ENTPD5: variants seen among roughly 807,000 people sequenced by gnomAD.
ENTPD5 encodes nucleoside diphosphate phosphatase ENTPD5.
Under a neutral mutation model 60.2 loss-of-function variants are expected in ENTPD5, and 49 were observed. That is an observed-to-expected ratio of 0.81 (90% CI 0.65 to 1.03). The LOEUF (loss-of-function observed/expected upper bound fraction) is 1.03, where lower values mean the gene tolerates loss of function less well. Ranked by LOEUF, ENTPD5 falls within the 50% of genes least tolerant of loss-of-function variation. ENTPD5 has a pLI of 0.00. For synonymous variants in ENTPD5, 187 were observed against 185.4 expected (o/e 1.01, Z -0.07); for missense variants, 480 against 507.6 (o/e 0.95, Z 0.52).
intron 2 of ENTPD5, among the ~76,000 whole-genome samples, chr14:74,012,105 ATTTATT>A (rs1428328546): frequency 4.6e-5 from 7 of 152,094 alleles, no homozygotes; most frequent in South Asian, 2.1e-4. Flanking sequence ...CATGTATTTT[ATTTATT>A]TTTATTTTTT....
intron 10 of ENTPD5, 32 bp downstream of exon 10, chr14:73,975,904 G>T (rs1160051483): frequency 1.3e-6 from 2 of 1,495,938 alleles, no homozygotes; most frequent in Non-Finnish European, 1.8e-6. Context: ...CATACAACAT[G>T]AAATATTCTT....
At chr14:74,005,292 A>G (rs2058639903) in intron 3 of ENTPD5, among the ~76,000 whole-genome samples, 1 of 146,672 alleles carries the variant, frequency 6.8e-6, no homozygotes, top group African/African-American at 2.5e-5. Context: ...GAAAAAAAGA[A>G]AAAAAGAAAA....
chr14:74,004,571 A>T (rs1249477484), intron 3 of ENTPD5, among the ~76,000 whole-genome samples: 1 of 152,140 alleles, frequency 6.6e-6, no homozygotes, highest in Non-Finnish European at 1.5e-5. Flanking sequence ...GGCTGCAGTC[A>T]ATCTGAAGGC....
intron 5 of ENTPD5, 137 bp from the exon 6 acceptor site, chr14:73,983,298 G>C: frequency 1.2e-6 from 1 of 849,066 alleles, no homozygotes; most frequent in Non-Finnish European, 1.7e-6. Context: ...TCTGTAGCAG[G>C]AGAAACCTAG....
Position 73,988,977 on chromosome 14 carries a change from C to T in ENTPD5, c.-70-805G>A, listed in dbSNP as rs528662161. On this transcript the variant is annotated intron_variant, in intron 3 of 15. Coordinates refer to ENST00000334696, the MANE Select transcript of ENTPD5 (RefSeq NM_001249.5). ...TAGCTGGGATTACAGGGACCCACCA[C>T]CATGCCCAGCTAATTTTTGTATTTT... Among the ~76,000 whole-genome samples, 356 of 152,230 alleles carry T rather than the reference C, an allele frequency of 2.3e-3. 2 individuals are homozygous for T. The highest frequency in any genetic ancestry group is 0.01 in the Middle Eastern group (3 of 294).
intron 3 of ENTPD5, chr14:73,996,042 T>C (rs1336167600): frequency 1.6e-6 from 1 of 627,964 alleles, no homozygotes; most frequent in Non-Finnish European, 2.0e-6. Flanking sequence ...GCTTCCCTTC[T>C]TCCATGTCCC....
chr14:74,005,824 A>G (rs1009186210), intron 3 of ENTPD5, among the ~76,000 whole-genome samples: 13 of 152,270 alleles, frequency 8.5e-5, no homozygotes, highest in South Asian at 4.1e-4. Flanking sequence ...TAAATAAAAA[A>G]CAAAACAAAT....
intron 3 of ENTPD5, among the ~76,000 whole-genome samples, chr14:74,001,187 A>C (rs1021398218): frequency 2.6e-5 from 4 of 151,956 alleles, no homozygotes; most frequent in Admixed American, 1.3e-4. Flanking sequence ...GTGAAATGCT[A>C]TCTCTACAAA....
At chr14:74,005,722 G>T (rs1292696519) in intron 3 of ENTPD5, among the ~76,000 whole-genome samples, 1 of 151,978 alleles carries the variant, frequency 6.6e-6, no homozygotes, top group Non-Finnish European at 1.5e-5. Flanking sequence ...TAGGAGGATC[G>T]CTAGAACCCA....
At chr14:73,975,317 C>A (rs929019187) in intron 10 of ENTPD5, among the ~76,000 whole-genome samples, 8 of 152,034 alleles carry the variant, frequency 5.3e-5, no homozygotes, top group Non-Finnish European at 2.9e-5. Flanking sequence ...GGATTCTGAA[C>A]CTCTGAAGGC....
chr14:73,958,357 T>G, downstream of ENTPD5: 1 of 1,603,616 alleles, frequency 6.2e-7, no homozygotes, highest in South Asian at 1.1e-5. Context: ...GGTTTTCGAT[T>G]TAAGCTATAG....
intron 13 of ENTPD5, among the ~76,000 whole-genome samples, chr14:73,972,399 C>A (rs983977323): frequency 7.9e-5 from 12 of 151,714 alleles, no homozygotes; most frequent in African/African-American, 2.7e-4. Context: ...AAACAAAAAA[C>A]CAAAACAACA....
intron 3 of ENTPD5, among the ~76,000 whole-genome samples, chr14:74,000,050 TG>T (rs2058459561): frequency 7.0e-6 from 1 of 142,752 alleles, no homozygotes; most frequent in East Asian, 2.0e-4. Flanking sequence ...GTCGCGTCAC[TG>T]CACTCCAGCC....
At chr14:73,971,395 G>A (rs575697390) in intron 14 of ENTPD5, among the ~76,000 whole-genome samples, 14 of 152,318 alleles carry the variant, frequency 9.2e-5, no homozygotes, top group African/African-American at 3.4e-4. Context: ...GACCTCAGGT[G>A]ATCCGCCCAC....
At position 73,976,001 on chromosome 14, in the gene ENTPD5, T is replaced by C. The variant is rs1055556661; in HGVS notation, c.657A>G (p.Gln219=). ...FLPQFEKTLE[Q]TPRGYLTSFE... is the part of the protein sequence containing the mutation. Reference sequence around the variant, plus strand: ...AGGAAGTGAGGTAGCCCCTAGGAGTTTGTTCCAGAGTTTTCTGCAAATCAG... The same window carrying C: ...AGGAAGTGAGGTAGCCCCTAGGAGTCTGTTCCAGAGTTTTCTGCAAATCAG... The change falls in exon 10 of 16, where the codon CAA becomes CAG. Residue 219 remains glutamine (Q), a synonymous_variant. Coordinates refer to ENST00000334696, the MANE Select transcript of ENTPD5 (RefSeq NM_001249.5). The C allele has an allele frequency of 6.2e-7, 1 of 1,613,438 alleles. No homozygotes were observed. Among genetic ancestry groups the C allele is most frequent in the Admixed American group, 1.7e-5 (1 of 60,010 alleles).
At chr14:74,013,612 T>G (rs1442073307) in intron 2 of ENTPD5, among the ~76,000 whole-genome samples, 3 of 152,188 alleles carry the variant, frequency 2.0e-5, no homozygotes, top group African/African-American at 7.2e-5. Context: ...ACACCCCTGG[T>G]CTACACCATC....
At chr14:73,985,818 A>G (rs971218006) in intron 5 of ENTPD5, among the ~76,000 whole-genome samples, 1 of 152,080 alleles carries the variant, frequency 6.6e-6, no homozygotes, top group African/African-American at 2.4e-5. Context: ...TCACACCTGT[A>G]ATCCCAGCAC....
chr14:73,966,832 G>A lies in ENTPD5; in HGVS notation c.*96C>T, dbSNP rs979764869. ...ATTAAACCTAAATCTCTAGGCTCAA[G>A]TCCAGGATGTCCCCAGACTAGTTCA... On this transcript the variant is annotated 3_prime_UTR_variant, in exon 16 of 16. Transcript: ENST00000334696. 3.2e-5 allele frequency: 29 copies of A among 914,636 alleles called. No homozygotes were observed. The African/African-American group carries it at 4.2e-4, about 13-fold the overall frequency. The allele number at this position is 914,636 out of a possible 1,614,324, so 56.7% of individuals were successfully genotyped here. A position where few individuals can be genotyped will look rare whatever the true frequency, so the allele number is the denominator to read the frequency against.
At chr14:73,962,790 C>T, downstream of ENTPD5, 1 of 623,904 alleles carries the variant, frequency 1.6e-6, no homozygotes, top group Non-Finnish European at 2.9e-6. Context: ...GCACTCCAGC[C>T]CAGTCAACAG....
Sources: gnomAD v4.1 joint callset for allele counts (sites outside exome capture counted in the v4.1 genomes callset) on GRCh38, gnomAD v4.1.1 for gene constraint, MANE v1.5 for transcripts, NCBI Gene and HGNC (gene_info 2026-07-23, HGNC 2026-07-21) for gene names.